The following WRN variants were observed in gnomAD, a reference collection of about 807,000 sequenced individuals.
The protein encoded by WRN is WRN RecQ like helicase.
WRN carries 149 observed loss-of-function variants against 180.7 expected under a neutral mutation model. That is an observed-to-expected ratio of 0.82 (90% CI 0.72 to 0.94). The LOEUF (loss-of-function observed/expected upper bound fraction) is 0.94, where lower values mean the gene tolerates loss of function less well. Among genes scored for constraint, WRN ranks in the 40% least tolerant of loss-of-function variants. The pLI is 0.00. For synonymous variants in WRN, 548 were observed against 568.9 expected, an observed-to-expected ratio of 0.96 and a Z score of 0.52; for missense variants, 1,661 against 1,700.1, an observed-to-expected ratio of 0.98 and a Z score of 0.40.
intron 7 of WRN, among the ~76,000 whole-genome samples, chr8:31,072,395 CAG>C (rs1269279877): frequency 3.9e-5 from 6 of 152,130 alleles, no homozygotes; most frequent in Middle Eastern, 3.2e-3. Context: ...GCTATTCAAA[CAG>C]AGAAGAGTCC....
At chr8:31,130,668 T>A (rs1802127222) in intron 23 of WRN, among the ~76,000 whole-genome samples, 1 of 151,358 alleles carries the variant, frequency 6.6e-6, no homozygotes, top group Non-Finnish European at 1.5e-5. Context: ...AGCAAGACAC[T>A]TGACTAAGGG....
chr8:31,119,446 G>A (rs968106137), intron 20 of WRN, among the ~76,000 whole-genome samples: 2 of 151,650 alleles, frequency 1.3e-5, no homozygotes, highest in Admixed American at 1.3e-4. Flanking sequence ...ATTATTTATC[G>A]ACTCTTCTCT....
chr8:31,124,664 G>A, intron 22 of WRN, 41 bp downstream of exon 22: 1 of 1,523,824 alleles, frequency 6.6e-7, no homozygotes, highest in Non-Finnish European at 9.1e-7. Flanking sequence ...TGGATTTATG[G>A]ATGATGCTCT....
intron 1 of WRN, among the ~76,000 whole-genome samples, chr8:31,053,093 G>T (rs964754444): frequency 6.6e-6 from 1 of 152,140 alleles, no homozygotes; most frequent in Non-Finnish European, 1.5e-5. Context: ...ATAAACATTT[G>T]TAACGATCCT....
chr8:31,062,732 T>C (rs1812535223), intron 3 of WRN, among the ~76,000 whole-genome samples: 1 of 152,178 alleles, frequency 6.6e-6, no homozygotes, highest in South Asian at 2.1e-4. Flanking sequence ...CAGTTCTTTA[T>C]TAAGAAATGA....
intron 4 of WRN, among the ~76,000 whole-genome samples, chr8:31,064,708 G>A (rs1041953851): frequency 6.6e-6 from 1 of 152,174 alleles, no homozygotes; most frequent in African/African-American, 2.4e-5. Flanking sequence ...TTGCTAGCAG[G>A]AGTGGCATTC....
At chr8:31,100,523 C>T (rs1814181032) in intron 17 of WRN, among the ~76,000 whole-genome samples, 1 of 152,124 alleles carries the variant, frequency 6.6e-6, no homozygotes, top group Non-Finnish European at 1.5e-5. Context: ...AGGAGAAATG[C>T]AGGTGGATAG....
rs2230009 is a variant in WRN at position 31,064,419 on chromosome 8, G to C, written c.340G>C (p.Val114Leu). The C allele has an allele frequency of 1.9e-6, 3 of 1,613,890 alleles. No individual in the cohort carries two copies. The South Asian group carries it at 3.3e-5, about 18-fold the overall frequency. The change falls in exon 4 of 35, where the codon GTT (valine) becomes CTT (leucine). Residue 114 changes from valine (V) to leucine (L), a missense_variant. By Grantham distance (32) the Val-to-Leu change is conservative. Transcript: ENST00000298139. ...TGAGAGCAAATGTTACTTGTTCCAC[G>C]TTTCTTCCATGTCAGGTTGGTATCT... ...VSESKCYLFH[V>L]SSMSVFPQGL...
intron 11 of WRN, among the ~76,000 whole-genome samples, chr8:31,087,332 C>T (rs1488771157): frequency 1.3e-5 from 2 of 152,154 alleles, no homozygotes; most frequent in Non-Finnish European, 2.9e-5. Flanking sequence ...AATTCCAAAA[C>T]ACATTTATTG....
chr8:31,136,923 G>A (rs1585508402), intron 24 of WRN, among the ~76,000 whole-genome samples: 3 of 152,276 alleles, frequency 2.0e-5, no homozygotes, highest in East Asian at 3.9e-4. Flanking sequence ...ATCATAGGCA[G>A]TTTTTACTCT....
At chr8:31,042,411 A>G (rs796929754) in intron 1 of WRN, among the ~76,000 whole-genome samples, 15 of 152,314 alleles carry the variant, frequency 9.8e-5, no homozygotes, top group African/African-American at 3.6e-4. Context: ...GTCCATTAAC[A>G]CTCAACTCAA....
intron 6 of WRN, among the ~76,000 whole-genome samples, chr8:31,067,909 A>C (rs1812773928): frequency 6.6e-6 from 1 of 152,184 alleles, no homozygotes; most frequent in Non-Finnish European, 1.5e-5. Context: ...TTTCCTTTAA[A>C]AGATACCGCC....
At position 31,141,483 on chromosome 8, in the gene WRN, C is replaced by A. The variant is rs367867308; in HGVS notation, c.3021C>A (p.Gly1007=). ...GCAGGCACAGTTTATTTGGCACTGGCAAGGATCAAACAGAGAGTTGGTGGA... is the reference window on the plus strand; with the variant it reads ...GCAGGCACAGTTTATTTGGCACTGGAAAGGATCAAACAGAGAGTTGGTGGA... ...QYRRHSLFGT[G]KDQTESWWKA... is the part of the protein sequence containing the mutation. The change falls in exon 25 of 35, where the codon GGC becomes GGA. Residue 1007 remains glycine (G), a synonymous_variant. Transcript: ENST00000298139. 8 of 1,613,956 alleles carry A rather than the reference C, an allele frequency of 5.0e-6. No individual in the cohort carries two copies. In the African/African-American group the frequency reaches 9.4e-5, roughly 19 times the overall value.
In WRN at chr8:31,124,519, C is replaced by T. The variant is rs576879904; in HGVS notation, c.2631-3C>T. ...ATATTCCTGTGATGTTTTTAATCGA[C>T]AGGCACCTTCTTACTGAGATACGTA... On this transcript the variant is annotated splice_polypyrimidine_tract_variant and splice_region_variant and intron_variant, in intron 21 of 34. Coordinates refer to ENST00000298139, the MANE Select transcript of WRN (RefSeq NM_000553.6). The T allele has an allele frequency of 6.2e-7, 1 of 1,608,730 alleles. No individual in the cohort carries two copies. The highest frequency in any genetic ancestry group is 1.3e-5 in the African/African-American group (1 of 74,704).
At position 31,167,179 on chromosome 8, in the gene WRN, G is replaced by T. The variant is rs776270050; in HGVS notation, c.4140G>T (p.Glu1380Asp). 3 of 1,613,138 alleles carry T rather than the reference G, an allele frequency of 1.9e-6. No individual in the cohort carries two copies. The African/African-American group carries it at 4.0e-5, about 22-fold the overall frequency. The change falls in exon 34 of 35, where the codon GAG becomes GAT. Residue 1380 changes from glutamate to aspartate, a missense_variant. Physicochemically the swap from Glu to Asp is conservative, Grantham distance 45 (BLOSUM62 2). Around this residue, in one of 3 missense-constraint regions of WRN, gnomAD observed 1,141 missense variants for 1,149.4 expected, o/e 0.99. Coordinates refer to ENST00000298139, the MANE Select transcript of WRN (RefSeq NM_000553.6). ...NKRRCFPGSE[E>D]ICSSSKRSKE... ...GGAGATGTTTTCCCGGTTCTGAAGA[G>T]ATCTGTTCAAGTTCTAAGAGAAGCA...
chr8:31,064,191 A>T (rs1812604013), intron 3 of WRN, 98 bp from the exon 4 acceptor site: 1 of 1,360,236 alleles, frequency 7.4e-7, no homozygotes, highest in African/African-American at 1.5e-5. Context: ...TAACTTGAAC[A>T]GTCTGTGGTT....
At chr8:31,069,748 C>T (rs1434540952) in intron 7 of WRN, among the ~76,000 whole-genome samples, 2 of 152,132 alleles carry the variant, frequency 1.3e-5, no homozygotes, top group African/African-American at 4.8e-5. Flanking sequence ...TGTTAATTAA[C>T]TGAGGCAGGT....
chr8:31,090,565 A>T (rs762373317), intron 14 of WRN, 33 bp downstream of exon 14: 1 of 1,586,132 alleles, frequency 6.3e-7, no homozygotes, highest in Non-Finnish European at 8.6e-7. Flanking sequence ...CTAATCCTTT[A>T]AAAAAATAAA....
chr8:31,035,453 A>T (rs1811417597), intron 1 of WRN, among the ~76,000 whole-genome samples: 1 of 152,140 alleles, frequency 6.6e-6, no homozygotes, highest in South Asian at 2.1e-4. Context: ...CTGCCTCTTT[A>T]TGTTCAGAGA....
Sources: allele counts gnomAD v4.1 joint callset (sites outside exome capture counted in the v4.1 genomes callset), GRCh38; gene constraint gnomAD v4.1.1; regional missense constraint gnomAD v4.1.1; transcripts MANE v1.5; gene names NCBI Gene and HGNC (gene_info 2026-07-23, HGNC 2026-07-21).